The following GALNT13 variants were observed in gnomAD, a reference collection of about 807,000 sequenced individuals.
GALNT13 encodes UDP-GalNAc:polypeptide N-acetylgalactosaminyltransferase 13.
GALNT13 carries 28 observed loss-of-function variants against 64.2 expected under a neutral mutation model. That is an observed-to-expected ratio of 0.44 (90% CI 0.32 to 0.60). The LOEUF (loss-of-function observed/expected upper bound fraction) is 0.60, where lower values mean the gene tolerates loss of function less well. Ranked by LOEUF, GALNT13 falls within the 20% of genes least tolerant of loss-of-function variation. The pLI, the probability that GALNT13 is intolerant of heterozygous loss-of-function variation, is 0.05. For missense variants in GALNT13, 577 were observed against 669.8 expected, an observed-to-expected ratio of 0.86 and a Z score of 1.53; for synonymous variants, 214 against 224.6, an observed-to-expected ratio of 0.95 and a Z score of 0.42.
the GALNT13 span, among the ~76,000 whole-genome samples, chr2:153,387,402 T>G: frequency 6.6e-6 from 1 of 152,082 alleles, no homozygotes; most frequent in East Asian, 1.9e-4. Flanking sequence ...TTATTTAGAA[T>G]GTTCCTCCAC....
the GALNT13 span, among the ~76,000 whole-genome samples, chr2:153,148,775 T>G: frequency 6.6e-6 from 1 of 151,898 alleles, no homozygotes; most frequent in South Asian, 2.1e-4. Context: ...TTCTAATGGC[T>G]TTCAATCAAT....
the GALNT13 span, among the ~76,000 whole-genome samples, chr2:153,280,999 T>C: frequency 1.3e-5 from 2 of 152,164 alleles, no homozygotes; most frequent in Non-Finnish European, 2.9e-5. Context: ...GGCTAAGTCT[T>C]TTCATAGGAC....
At chr2:153,601,878 G>A in the GALNT13 span, among the ~76,000 whole-genome samples, 1 of 151,866 alleles carries the variant, frequency 6.6e-6, no homozygotes, top group Non-Finnish European at 1.5e-5. Flanking sequence ...AGGCAAGAAA[G>A]AGTGCTAAAA....
chr2:153,096,465 T>C, the GALNT13 span, among the ~76,000 whole-genome samples: 402 of 152,328 alleles, frequency 2.6e-3, 1 homozygote, highest in African/African-American at 9.3e-3. Flanking sequence ...AAGTGGCATG[T>C]TGAAGTCTCC....
chr2:154,402,632 A>C (rs1030934147), intron 10 of GALNT13, among the ~76,000 whole-genome samples: 2 of 152,228 alleles, frequency 1.3e-5, no homozygotes, highest in African/African-American at 4.8e-5. Flanking sequence ...GTGCGCTACT[A>C]TTTTGATTCA....
chr2:153,239,572 C>A, the GALNT13 span, among the ~76,000 whole-genome samples: 19 of 152,266 alleles, frequency 1.2e-4, no homozygotes, highest in African/African-American at 4.6e-4. Context: ...GCTTTTTCAG[C>A]ATCAGTTGAA....
At chr2:153,235,480 T>C in the GALNT13 span, among the ~76,000 whole-genome samples, 1 of 152,112 alleles carries the variant, frequency 6.6e-6, no homozygotes, top group African/African-American at 2.4e-5. Flanking sequence ...ATATTCTGGG[T>C]GGTCTGCTGG....
chr2:153,480,320 T>A, the GALNT13 span, among the ~76,000 whole-genome samples: 1 of 152,322 alleles, frequency 6.6e-6, no homozygotes, highest in East Asian at 1.9e-4. Flanking sequence ...TTCATGACTA[T>A]CATAAAATAG....
the GALNT13 span, among the ~76,000 whole-genome samples, chr2:153,228,966 A>G: frequency 6.6e-6 from 1 of 152,030 alleles, no homozygotes; most frequent in Middle Eastern, 3.4e-3. Flanking sequence ...ACTTTGACCA[A>G]CTTTGTTTTT....
chr2:153,434,047 T>G, the GALNT13 span, among the ~76,000 whole-genome samples: 1 of 152,324 alleles, frequency 6.6e-6, no homozygotes, highest in Non-Finnish European at 1.5e-5. Context: ...TTCTCATTGT[T>G]CAATTCCCAC....
chr2:153,525,980 A>G, the GALNT13 span, among the ~76,000 whole-genome samples: 1 of 152,196 alleles, frequency 6.6e-6, no homozygotes, highest in Non-Finnish European at 1.5e-5. Flanking sequence ...TAGAAAAGGG[A>G]GGAAAGAATG....
chr2:153,838,930 C>A, the GALNT13 span, among the ~76,000 whole-genome samples: 36 of 151,762 alleles, frequency 2.4e-4, no homozygotes, highest in Non-Finnish European at 4.7e-4. Context: ...TATATAATTA[C>A]ATTTGTGTCT....
the GALNT13 span, among the ~76,000 whole-genome samples, chr2:153,276,065 A>G: frequency 6.6e-6 from 1 of 152,158 alleles, no homozygotes; most frequent in Non-Finnish European, 1.5e-5. Flanking sequence ...TCATATTTGT[A>G]AAAGCCAGTT....
the GALNT13 span, among the ~76,000 whole-genome samples, chr2:153,496,367 C>G: frequency 3.6e-4 from 55 of 152,230 alleles, 1 homozygote; most frequent in East Asian, 9.9e-3. Flanking sequence ...TGTATACATC[C>G]AATTTCTTCT....
chr2:153,455,078 GA>G, the GALNT13 span, among the ~76,000 whole-genome samples: 2 of 152,276 alleles, frequency 1.3e-5, no homozygotes, highest in African/African-American at 4.8e-5. Flanking sequence ...TTACATTGGG[GA>G]TAGGAAGGAA....
At chr2:154,446,510 T>C in intron 12 of GALNT13, 1 of 1,457,966 alleles carries the variant, frequency 6.9e-7, no homozygotes, top group Non-Finnish European at 9.2e-7. Flanking sequence ...GGATGATTGA[T>C]TTATTACTGT....
chr2:154,135,828 C>A (rs1682918888), intron 3 of GALNT13, among the ~76,000 whole-genome samples: 1 of 151,990 alleles, frequency 6.6e-6, no homozygotes, highest in South Asian at 2.1e-4. Context: ...AACCCCATCT[C>A]TTTTAAAACA....
chr2:153,404,279 G>C, the GALNT13 span, among the ~76,000 whole-genome samples: 11 of 152,298 alleles, frequency 7.2e-5, no homozygotes, highest in Admixed American at 5.9e-4. Context: ...TTATGAAAGT[G>C]AGGAGAATTA....
the GALNT13 span, among the ~76,000 whole-genome samples, chr2:153,773,190 G>T: frequency 1.3e-5 from 2 of 152,356 alleles, no homozygotes; most frequent in East Asian, 3.9e-4. Context: ...ACTGGGCCCT[G>T]AAACTAGGCA....
Sources: gnomAD v4.1 joint callset for allele counts (sites outside exome capture counted in the v4.1 genomes callset) on GRCh38, gnomAD v4.1.1 for gene constraint, MANE v1.5 for transcripts, NCBI Gene and HGNC (gene_info 2026-07-23, HGNC 2026-07-21) for gene names.